The following UNC13C variants were observed in gnomAD, a reference collection of about 807,000 sequenced individuals.
UNC13C encodes the protein protein unc-13 homolog C.
A neutral mutation model predicts 245.4 loss-of-function variants in UNC13C; 174 were observed. The ratio of observed to expected loss-of-function variants is 0.71; its 90% CI spans 0.63 to 0.80. The LOEUF (loss-of-function observed/expected upper bound fraction) is 0.80, where lower values mean the gene tolerates loss of function less well. Ranked by LOEUF, UNC13C falls within the 30% of genes least tolerant of loss-of-function variation. The probability of loss-of-function intolerance (pLI) is 0.00; values close to 1 mark genes in which losing one functional copy is unlikely to be tolerated. For synonymous variants in UNC13C, 992 were observed against 895.1 expected (o/e 1.11, Z -1.93); for missense variants, 2,829 against 2,602.9 (o/e 1.09, Z -1.89).
intron 4 of UNC13C, among the ~76,000 whole-genome samples, chr15:54,231,597 A>G (rs1236996371): frequency 6.6e-6 from 1 of 152,124 alleles, no homozygotes; most frequent in African/African-American, 2.4e-5. Flanking sequence ...AAGTGCTTAG[A>G]ATAATAAGCA....
At chr15:53,866,903 C>T in the UNC13C span, among the ~76,000 whole-genome samples, 1 of 152,118 alleles carries the variant, frequency 6.6e-6, no homozygotes, top group Admixed American at 6.6e-5. Context: ...AACCTTAAAA[C>T]CACACTATGC....
chr15:54,070,208 A>G (rs539784192), intron 2 of UNC13C, among the ~76,000 whole-genome samples: 1 of 152,338 alleles, frequency 6.6e-6, no homozygotes, highest in Non-Finnish European at 1.5e-5. Context: ...TTTTACATCA[A>G]TTCAAATGTT....
rs145905465 is a variant in UNC13C at position 54,177,314 on chromosome 15, T to C, written c.3071+33630T>C. Among the ~76,000 whole-genome samples, 641 of 152,246 alleles carry C rather than the reference T, an allele frequency of 4.2e-3. 7 individuals carry two copies. Among genetic ancestry groups the C allele is most frequent in the African/African-American group, 0.015 (618 of 41,556 alleles). ...AGACTGAGATAATGACTGCATTGAT[T>C]CGTTGGGTTCTCTGAAGAGGTTCTT... On this transcript the variant is annotated intron_variant, in intron 4 of 32. Coordinates refer to ENST00000260323, the MANE Select transcript of UNC13C (RefSeq NM_001080534.3).
At position 54,027,536 on chromosome 15, in the gene UNC13C, A is replaced by G. The variant is rs1935829198; in HGVS notation, c.2983+11650A>G. ...AGGCATGTGCCACCACGCCTGGCTA[A>G]TTTTTGTGTTTTTTAGTACAGATGG... is the stretch of plus-strand genomic sequence containing the variant. On this transcript the variant is annotated intron_variant, in intron 2 of 32. Transcript: ENST00000260323. Among the ~76,000 whole-genome samples the G allele has an allele frequency of 2.6e-5, 4 of 152,022 alleles. No homozygotes were observed. In the South Asian group the frequency reaches 8.3e-4, roughly 32 times the overall value.
intron 26 of UNC13C, among the ~76,000 whole-genome samples, chr15:54,537,020 A>G (rs764815549): frequency 6.6e-6 from 1 of 152,150 alleles, no homozygotes; most frequent in Non-Finnish European, 1.5e-5. Context: ...GCATCCAAAT[A>G]GGAAGAGAGA....
At chr15:54,296,385 TTTTTTTTA>T (rs2037434426) in intron 11 of UNC13C, among the ~76,000 whole-genome samples, 3 of 136,466 alleles carry the variant, frequency 2.2e-5, no homozygotes, top group Non-Finnish European at 4.8e-5. Context: ...TTTTTTTTAT[TTTTTTTTA>T]TTTTTTAGTG....
At chr15:54,601,015 T>A (rs1273614381) in intron 30 of UNC13C, among the ~76,000 whole-genome samples, 1 of 150,636 alleles carries the variant, frequency 6.6e-6, no homozygotes, top group Admixed American at 6.6e-5. Flanking sequence ...AAAAAATCAT[T>A]GTTTTAAGAA....
intron 18 of UNC13C, among the ~76,000 whole-genome samples, chr15:54,407,139 G>T (rs1256351042): frequency 6.6e-6 from 1 of 152,154 alleles, no homozygotes; most frequent in East Asian, 1.9e-4. Context: ...GCAGTAGTTA[G>T]AAATATGATG....
the UNC13C span, among the ~76,000 whole-genome samples, chr15:53,871,393 C>A: frequency 6.6e-6 from 1 of 152,188 alleles, no homozygotes; most frequent in Non-Finnish European, 1.5e-5. Context: ...CAGCTTACAT[C>A]TTGATTCTGG....
chr15:54,525,570 A>G lies in UNC13C; in HGVS notation c.5479A>G (p.Ile1827Val). ...GKELDSEAST[I>V]LKELQVKLSG... ...GCAGCTAGATTCTGAAGCTAGTACTATTCTAAAAGAACTTCAGGTTAAGCT... is the reference window on the plus strand; with the variant it reads ...GCAGCTAGATTCTGAAGCTAGTACTGTTCTAAAAGAACTTCAGGTTAAGCT... The change falls in exon 25 of 33, where the codon ATT becomes GTT. Residue 1827 changes from isoleucine to valine, a missense_variant. By Grantham distance (29) the Ile-to-Val change is conservative. Transcript: ENST00000260323. 6 of 1,612,790 alleles carry G rather than the reference A, an allele frequency of 3.7e-6. No homozygotes were observed. The highest frequency in any genetic ancestry group is 1.7e-5 in the Admixed American group (1 of 59,904).
chr15:54,151,460 T>C (rs1595916314), intron 4 of UNC13C, among the ~76,000 whole-genome samples: 2 of 152,304 alleles, frequency 1.3e-5, no homozygotes, highest in Admixed American at 6.5e-5. Context: ...AGGAGTGCAG[T>C]GGCCTGATCT....
At chr15:54,591,412 C>T (rs972061877) in intron 30 of UNC13C, among the ~76,000 whole-genome samples, 1 of 152,132 alleles carries the variant, frequency 6.6e-6, no homozygotes, top group African/African-American at 2.4e-5. Flanking sequence ...GTGAATCCAT[C>T]TGGTCCTGGA....
At chr15:54,288,469 G>A (rs1242299388) in intron 10 of UNC13C, among the ~76,000 whole-genome samples, 2 of 151,946 alleles carry the variant, frequency 1.3e-5, no homozygotes, top group African/African-American at 2.4e-5. Context: ...GGTCTTCCTA[G>A]CTGGGGAGAT....
chr15:54,389,736 T>C (rs1043872043), intron 17 of UNC13C, among the ~76,000 whole-genome samples: 4 of 152,074 alleles, frequency 2.6e-5, no homozygotes, highest in African/African-American at 9.7e-5. Flanking sequence ...ATTTTTCTTT[T>C]TTTTTTTTCT....
intron 17 of UNC13C, among the ~76,000 whole-genome samples, chr15:54,362,433 C>G (rs576546995): frequency 6.6e-6 from 1 of 152,278 alleles, no homozygotes; most frequent in South Asian, 2.1e-4. Context: ...ACTGTAGGCC[C>G]AAGAGATTTC....
chr15:54,059,868 A>G (rs1204232630), intron 2 of UNC13C, among the ~76,000 whole-genome samples: 3 of 152,216 alleles, frequency 2.0e-5, no homozygotes, highest in Non-Finnish European at 4.4e-5. Flanking sequence ...CAATGGGGAA[A>G]GGATTCCCTA....
chr15:54,168,870 A>G (rs189872777), intron 4 of UNC13C, among the ~76,000 whole-genome samples: 42 of 152,368 alleles, frequency 2.8e-4, no homozygotes, highest in Non-Finnish European at 3.4e-4. Context: ...CTTGCAACTC[A>G]TAACAAGTGC....
At chr15:54,537,664 C>T (rs577390810) in intron 26 of UNC13C, among the ~76,000 whole-genome samples, 1 of 152,020 alleles carries the variant, frequency 6.6e-6, no homozygotes, top group East Asian at 1.9e-4. Context: ...GATTAGAGAA[C>T]CCAGAAATAA....
chr15:54,296,443 C>T (rs1249420953), intron 11 of UNC13C, among the ~76,000 whole-genome samples: 2 of 148,182 alleles, frequency 1.3e-5, no homozygotes, highest in Non-Finnish European at 3.0e-5. Flanking sequence ...TGGTCTCGAT[C>T]TCCTGACCTC....
Sources: gnomAD v4.1 joint callset for allele counts (sites outside exome capture counted in the v4.1 genomes callset) on GRCh38, gnomAD v4.1.1 for gene constraint, MANE v1.5 for transcripts, NCBI Gene and HGNC (gene_info 2026-07-23, HGNC 2026-07-21) for gene names.